The following ITGA9 variants were observed in gnomAD, a reference collection of about 807,000 sequenced individuals.
ITGA9 encodes the protein integrin alpha-9.
In ITGA9, 56 loss-of-function variants were observed where a neutral mutation model predicts 127.8. The observed-to-expected ratio is 0.44, with a 90% confidence interval of 0.35 to 0.55. ITGA9 has a LOEUF of 0.55. ITGA9 is among the 20% of genes least tolerant of loss of function. The probability of loss-of-function intolerance (pLI) is 0.00; values close to 1 mark genes in which losing one functional copy is unlikely to be tolerated. For synonymous variants in ITGA9, 508 were observed against 514.5 expected (o/e 0.99, Z 0.17); for missense variants, 1,196 against 1,347.1 (o/e 0.89, Z 1.76).
chr3:37,473,174 A>G (rs892663705), intron 2 of ITGA9, among the ~76,000 whole-genome samples, 180 bp from the exon 3 acceptor site: 4 of 151,880 alleles, frequency 2.6e-5, no homozygotes, highest in South Asian at 2.1e-4. Flanking sequence ...AAGAAAAAGA[A>G]AGCCTTGCTA....
At chr3:37,471,911 G>T (rs935412680) in intron 2 of ITGA9, among the ~76,000 whole-genome samples, 1 of 152,046 alleles carries the variant, frequency 6.6e-6, no homozygotes, top group Non-Finnish European at 1.5e-5. Context: ...AATATTAGCT[G>T]AACGTGGTGA....
At chr3:37,618,196 TGCA>T (rs1350481288) in intron 15 of ITGA9, among the ~76,000 whole-genome samples, 1 of 152,242 alleles carries the variant, frequency 6.6e-6, no homozygotes, top group Admixed American at 6.5e-5. Flanking sequence ...GACCCTCAGC[TGCA>T]GGTCTGTTGG....
chr3:37,545,459 C>T (rs1699316940), intron 15 of ITGA9, among the ~76,000 whole-genome samples: 1 of 152,132 alleles, frequency 6.6e-6, no homozygotes, highest in Non-Finnish European at 1.5e-5. Flanking sequence ...CAGGCTAACA[C>T]CTGTTTTCCA....
At chr3:37,714,039 A>G (rs1173047819) in intron 18 of ITGA9, among the ~76,000 whole-genome samples, 1 of 152,248 alleles carries the variant, frequency 6.6e-6, no homozygotes, top group Non-Finnish European at 1.5e-5. Flanking sequence ...TGTGCCTAGC[A>G]GGGTGTCCCC....
At chr3:37,503,445 G>A (rs1026029749) in intron 6 of ITGA9, 138 bp downstream of exon 6, 1 of 954,712 alleles carries the variant, frequency 1.0e-6, no homozygotes, top group African/African-American at 1.6e-5. Flanking sequence ...TACATCTTTA[G>A]CCAGGGCATC....
intron 15 of ITGA9, among the ~76,000 whole-genome samples, chr3:37,619,606 C>T (rs764625789): frequency 2.0e-5 from 3 of 152,182 alleles, no homozygotes; most frequent in Non-Finnish European, 2.9e-5. Context: ...TTCTAGGCCA[C>T]TTCAAAAATT....
chr3:37,508,069 A>G (rs1698863620), intron 7 of ITGA9, among the ~76,000 whole-genome samples: 1 of 152,204 alleles, frequency 6.6e-6, no homozygotes. Flanking sequence ...GGCAGATCAC[A>G]TGACTCTAAT....
chr3:37,738,906 C>T (rs1476854674), intron 20 of ITGA9, among the ~76,000 whole-genome samples: 2 of 152,210 alleles, frequency 1.3e-5, no homozygotes, highest in African/African-American at 4.8e-5. Context: ...AACATGTCCA[C>T]ACAGCAGCAG....
At chr3:37,797,947 A>C (rs1440675123) in intron 26 of ITGA9, among the ~76,000 whole-genome samples, 4 of 152,066 alleles carry the variant, frequency 2.6e-5, no homozygotes, top group Non-Finnish European at 4.4e-5. Context: ...GGTCTCCCAA[A>C]GTGCTGGAAT....
At chr3:37,665,789 C>T (rs1294486093) in intron 17 of ITGA9, among the ~76,000 whole-genome samples, 1 of 152,170 alleles carries the variant, frequency 6.6e-6, no homozygotes, top group African/African-American at 2.4e-5. Context: ...CAGCAGATGC[C>T]TCTCCTCACA....
intron 17 of ITGA9, 60 bp from the exon 18 acceptor site, chr3:37,683,805 G>A: frequency 6.4e-7 from 1 of 1,572,506 alleles, no homozygotes; most frequent in Non-Finnish European, 8.7e-7. Flanking sequence ...TACCCCCTGT[G>A]CCTCATGTTA....
At chr3:37,818,499 GTGATC>G in intron 27 of ITGA9, 1 of 237,626 alleles carries the variant, frequency 4.2e-6, no homozygotes, top group Admixed American at 5.0e-5. Flanking sequence ...CTGACCTCAA[GTGATC>G]TGCCTGTCTC....
intron 15 of ITGA9, among the ~76,000 whole-genome samples, chr3:37,599,743 A>T (rs1017377091): frequency 3.9e-5 from 6 of 152,238 alleles, no homozygotes; most frequent in Non-Finnish European, 7.3e-5. Context: ...AATCTATCTC[A>T]CAAGATCATT....
intron 15 of ITGA9, among the ~76,000 whole-genome samples, chr3:37,580,753 TAC>T (rs1699701887): frequency 6.6e-6 from 1 of 152,230 alleles, no homozygotes; most frequent in African/African-American, 2.4e-5. Flanking sequence ...TGGAAATACG[TAC>T]AGTAATAAGG....
intron 16 of ITGA9, among the ~76,000 whole-genome samples, chr3:37,640,378 G>A (rs1700320724): frequency 6.6e-6 from 1 of 152,134 alleles, no homozygotes. Context: ...CGAGAATGTG[G>A]ACAACCTTAA....
chr3:37,538,974 A>G (rs1466747467), intron 14 of ITGA9, among the ~76,000 whole-genome samples: 1 of 152,244 alleles, frequency 6.6e-6, no homozygotes, highest in Non-Finnish European at 1.5e-5. Flanking sequence ...AACATTTTAG[A>G]GAAATCTGAA....
At chr3:37,640,202 TG>T (rs35539287) in intron 16 of ITGA9, among the ~76,000 whole-genome samples, 2 of 152,038 alleles carry the variant, frequency 1.3e-5, no homozygotes, top group African/African-American at 4.8e-5. Context: ...GACTTCCAAA[TG>T]GGGAGAGGAG....
chr3:37,531,778 G>A (rs1022063305), intron 13 of ITGA9, among the ~76,000 whole-genome samples: 1 of 152,226 alleles, frequency 6.6e-6, no homozygotes, highest in Non-Finnish European at 1.5e-5. Context: ...TTATGGGAAC[G>A]AGAGGATGAA....
At chr3:37,558,394 G>A (rs543647169) in intron 15 of ITGA9, among the ~76,000 whole-genome samples, 1 of 152,162 alleles carries the variant, frequency 6.6e-6, no homozygotes, top group South Asian at 2.1e-4. Flanking sequence ...AACAGCTCAG[G>A]TTATTTCATG....
Sources: gnomAD v4.1 joint callset for allele counts (sites outside exome capture counted in the v4.1 genomes callset) on GRCh38, gnomAD v4.1.1 for gene constraint, MANE v1.5 for transcripts, NCBI Gene and HGNC (gene_info 2026-07-23, HGNC 2026-07-21) for gene names.